The following SCFD2 variants were observed in gnomAD, a reference collection of about 807,000 sequenced individuals.
SCFD2 encodes sec1 family domain-containing protein 2.
A neutral mutation model predicts 58.9 loss-of-function variants in SCFD2; 54 were observed. The observed-to-expected ratio is 0.92, with a 90% confidence interval of 0.74 to 1.15. SCFD2 has a LOEUF of 1.15. Among genes scored for constraint, SCFD2 ranks in the 50% most tolerant of loss-of-function variants. The probability of loss-of-function intolerance (pLI) is 0.00; values close to 1 mark genes in which losing one functional copy is unlikely to be tolerated. For missense variants in SCFD2, 805 were observed against 836.6 expected, an observed-to-expected ratio of 0.96 and a Z score of 0.47; for synonymous variants, 321 against 335.9, an observed-to-expected ratio of 0.96 and a Z score of 0.49.
chr4:53,311,970 T>G (rs557639343), intron 3 of SCFD2, among the ~76,000 whole-genome samples: 1 of 152,178 alleles, frequency 6.6e-6, no homozygotes, highest in African/African-American at 2.4e-5. Flanking sequence ...TTCAACATAC[T>G]TAAGAATAAG....
chr4:52,930,882 T>C (rs926432394), intron 5 of SCFD2, among the ~76,000 whole-genome samples: 1 of 152,206 alleles, frequency 6.6e-6, no homozygotes, highest in African/African-American at 2.4e-5. Flanking sequence ...AAGGTAGGCA[T>C]CAGATTTTTG....
chr4:52,948,860 C>T (rs1027125232), intron 5 of SCFD2: 15 of 181,778 alleles, frequency 8.3e-5, no homozygotes, highest in East Asian at 1.6e-4. Flanking sequence ...TCCCACATCC[C>T]GCCTTCTATT....
intron 5 of SCFD2, among the ~76,000 whole-genome samples, chr4:53,112,155 C>T (rs1465423653): frequency 2.0e-5 from 3 of 152,086 alleles, no homozygotes; most frequent in African/African-American, 7.2e-5. Context: ...CATATTGAAT[C>T]ACTCTGCTAC....
At position 52,920,728 on chromosome 4, in the gene SCFD2, G is replaced by A. The variant is rs377690943; in HGVS notation, c.1704C>T (p.His568=). ...ACTTTAAAACGTATATACTTGCCTGGTGGGTATGATTTCCAGGAACATATA... is the reference window on the plus strand; with the variant it reads ...ACTTTAAAACGTATATACTTGCCTGATGGGTATGATTTCCAGGAACATATA... ...KSVYVPGNHT[H]QASYKPLLKQ... Residue 568 remains histidine (H), a synonymous_variant, in exon 6 of 9, where the codon CAC becomes CAT. Transcript: ENST00000401642. 6.3e-7 allele frequency: 1 copy of A among 1,599,066 alleles called. No homozygotes were observed. The highest frequency in any genetic ancestry group is 8.5e-7 in the Non-Finnish European group (1 of 1,171,774).
At chr4:52,971,351 C>A (rs906972738) in intron 5 of SCFD2, among the ~76,000 whole-genome samples, 3 of 152,222 alleles carry the variant, frequency 2.0e-5, no homozygotes, top group South Asian at 2.1e-4. Flanking sequence ...AACCATGGCA[C>A]GAGAACTACA....
At chr4:52,970,213 G>A (rs1172188679) in intron 5 of SCFD2, among the ~76,000 whole-genome samples, 1 of 152,178 alleles carries the variant, frequency 6.6e-6, no homozygotes, top group Non-Finnish European at 1.5e-5. Context: ...CCAAAGCAGG[G>A]CGAGGCATCG....
intron 4 of SCFD2, among the ~76,000 whole-genome samples, chr4:53,216,597 G>C (rs559390942): frequency 6.7e-6 from 1 of 149,482 alleles, no homozygotes; most frequent in Admixed American, 6.8e-5. Flanking sequence ...CAAAAAACCA[G>C]CTCCTGGATT....
intron 5 of SCFD2, among the ~76,000 whole-genome samples, chr4:53,029,044 C>T (rs1212105890): frequency 6.6e-6 from 1 of 152,102 alleles, no homozygotes; most frequent in Non-Finnish European, 1.5e-5. Context: ...CATTCCAGTA[C>T]AAAGAAGGCA....
intron 5 of SCFD2, among the ~76,000 whole-genome samples, chr4:52,998,763 G>A (rs925068799): frequency 6.6e-6 from 1 of 152,094 alleles, no homozygotes; most frequent in African/African-American, 2.4e-5. Context: ...CAAGAGTGAT[G>A]CTTCAAAATA....
At chr4:53,309,160 A>G (rs1052723210) in intron 3 of SCFD2, among the ~76,000 whole-genome samples, 18 of 152,106 alleles carry the variant, frequency 1.2e-4, no homozygotes, top group African/African-American at 4.3e-4. Context: ...AGCACAGTAC[A>G]GTACAGTGTT....
chr4:52,986,223 G>A (rs981685995), intron 5 of SCFD2, among the ~76,000 whole-genome samples: 1 of 53,358 alleles, frequency 1.9e-5, no homozygotes, highest in African/African-American at 4.8e-5. Context: ...GGGAAAAAAG[G>A]GTAAAGTTTT....
At chr4:53,243,865 C>T (rs1360924881) in intron 4 of SCFD2, among the ~76,000 whole-genome samples, 1 of 152,136 alleles carries the variant, frequency 6.6e-6, no homozygotes, top group East Asian at 1.9e-4. Context: ...ACATAACAGA[C>T]TTCATTTGTT....
chr4:52,918,063 G>C (rs916667430), intron 6 of SCFD2, among the ~76,000 whole-genome samples: 1 of 152,178 alleles, frequency 6.6e-6, no homozygotes, highest in African/African-American at 2.4e-5. Flanking sequence ...AGGCCAGCTA[G>C]CACTCTCCCA....
At chr4:53,211,233 C>A (rs1196816055) in intron 4 of SCFD2, among the ~76,000 whole-genome samples, 1 of 114,290 alleles carries the variant, frequency 8.7e-6, no homozygotes, top group Non-Finnish European at 1.8e-5. Flanking sequence ...CAGAGCAAGA[C>A]TCCATGTGAA....
intron 4 of SCFD2, among the ~76,000 whole-genome samples, chr4:53,179,494 G>C (rs1396035405): frequency 6.6e-6 from 1 of 152,156 alleles, no homozygotes; most frequent in African/African-American, 2.4e-5. Context: ...AAGAGCTCCT[G>C]AAGGAAGCAC....
At chr4:53,252,417 G>C (rs527404529) in intron 4 of SCFD2, among the ~76,000 whole-genome samples, 4 of 151,510 alleles carry the variant, frequency 2.6e-5, no homozygotes, top group South Asian at 2.1e-4. Flanking sequence ...AAAAGAGCCC[G>C]CATCGCCAAG....
chr4:53,146,456 A>C (rs1268184577), intron 4 of SCFD2, among the ~76,000 whole-genome samples: 1 of 152,178 alleles, frequency 6.6e-6, no homozygotes, highest in Non-Finnish European at 1.5e-5. Context: ...ATACAAATTG[A>C]ATATCATATT....
intron 7 of SCFD2, among the ~76,000 whole-genome samples, chr4:52,890,142 C>T (rs1357352807): frequency 6.6e-6 from 1 of 152,170 alleles, no homozygotes; most frequent in Non-Finnish European, 1.5e-5. Flanking sequence ...TGTTGTTTCT[C>T]AGTTAATCCT....
At chr4:53,232,010 G>A (rs1422665899) in intron 4 of SCFD2, among the ~76,000 whole-genome samples, 4 of 152,008 alleles carry the variant, frequency 2.6e-5, no homozygotes, top group Non-Finnish European at 2.9e-5. Flanking sequence ...ACAAAAACTA[G>A]TGGGTATCAT....
Sources: allele counts gnomAD v4.1 joint callset (sites outside exome capture counted in the v4.1 genomes callset), GRCh38; gene constraint gnomAD v4.1.1; transcripts MANE v1.5; gene names NCBI Gene and HGNC (gene_info 2026-07-23, HGNC 2026-07-21).